PPFIA2: variants seen among roughly 807,000 people sequenced by gnomAD.
The protein encoded by PPFIA2 is PPFI scaffold protein A2.
Under a neutral mutation model 175.5 loss-of-function variants are expected in PPFIA2, and 46 were observed. That is an observed-to-expected ratio of 0.26 (90% CI 0.21 to 0.34). The LOEUF (loss-of-function observed/expected upper bound fraction) is 0.34. PPFIA2 is among the 10% of genes least tolerant of loss of function. PPFIA2 has a pLI of 1.00. For synonymous variants in PPFIA2, 568 were observed against 511.4 expected (o/e 1.11, Z -1.49); for missense variants, 1,179 against 1,506.1 (o/e 0.78, Z 3.60).
intron 7 of PPFIA2, among the ~76,000 whole-genome samples, chr12:81,437,441 G>T (rs2049284933): frequency 6.6e-6 from 1 of 152,168 alleles, no homozygotes. Context: ...GTGTTAGCCA[G>T]GATGGTCTCG....
chr12:81,702,144 T>A (rs1179405585), intron 3 of PPFIA2, among the ~76,000 whole-genome samples: 1 of 152,092 alleles, frequency 6.6e-6, no homozygotes, highest in Non-Finnish European at 1.5e-5. Flanking sequence ...GCATAAGTTC[T>A]CATTCTGAGA....
At chr12:81,658,956 T>G (rs967264877) in intron 4 of PPFIA2, among the ~76,000 whole-genome samples, 2 of 152,176 alleles carry the variant, frequency 1.3e-5, no homozygotes, top group African/African-American at 4.8e-5. Flanking sequence ...AACCAGGAAG[T>G]TGAATATATA....
chr12:81,267,259 A>C, intron 29 of PPFIA2: 2 of 578,118 alleles, frequency 3.5e-6, no homozygotes, highest in East Asian at 3.6e-5. Context: ...TGAGGTCAAG[A>C]GGCTTTGGCC....
chr12:81,662,225 C>A (rs2069027727), intron 4 of PPFIA2, among the ~76,000 whole-genome samples: 1 of 151,946 alleles, frequency 6.6e-6, no homozygotes, highest in Non-Finnish European at 1.5e-5. Context: ...GAGATAGAGA[C>A]ATAAAAAAAC....
chr12:81,360,009 C>T lies in PPFIA2; in HGVS notation c.1638-1792G>A, dbSNP rs372128616. The stretch of plus-strand genomic sequence containing the variant: ...CTTTCTTTTCATTTCTTTGAACATG[C>T]TTTTGTTTTTGTTTGTTTGTTTGTG... On this transcript the variant is annotated intron_variant, in intron 15 of 32. Transcript: ENST00000549396. Among the ~76,000 whole-genome samples, 213 of 151,872 alleles carry T rather than the reference C, an allele frequency of 1.4e-3. 1 individual carries two copies. Among genetic ancestry groups the T allele is most frequent in the African/African-American group, 4.8e-3 (199 of 41,494 alleles).
At chr12:81,726,774 T>C (rs1292440356) in intron 3 of PPFIA2, among the ~76,000 whole-genome samples, 2 of 151,332 alleles carry the variant, frequency 1.3e-5, no homozygotes, top group Non-Finnish European at 3.0e-5. Context: ...AGTATCTGCA[T>C]CTGGGGTAAG....
intron 7 of PPFIA2, among the ~76,000 whole-genome samples, chr12:81,425,505 C>T (rs904573269): frequency 9.2e-5 from 14 of 152,024 alleles, no homozygotes; most frequent in African/African-American, 2.7e-4. Context: ...CCACCATGCC[C>T]GGCTAAATTT....
Position 81,299,313 on chromosome 12 carries a change from G to A in PPFIA2, c.2712C>T (p.Val904=), listed in dbSNP as rs1235759891. ...TTCATTCTCTTACCTCTAGCCATGC[G>A]ACCACAGTTGGCCCATCCCACTGGG... is the stretch of plus-strand genomic sequence containing the variant. ...PFAQWDGPTV[V]AWLELWLGMP... The change falls in exon 23 of 33, where the codon GTC becomes GTT. Residue 904 remains valine, a synonymous_variant. Coordinates refer to ENST00000549396, the MANE Select transcript of PPFIA2 (RefSeq NM_003625.5). 5.6e-6 allele frequency: 9 copies of A among 1,594,436 alleles called. No homozygotes were observed. The highest frequency in any genetic ancestry group is 7.7e-6 in the Non-Finnish European group (9 of 1,169,712).
intron 7 of PPFIA2, among the ~76,000 whole-genome samples, chr12:81,416,863 C>A (rs1389462217): frequency 6.6e-6 from 1 of 151,616 alleles, no homozygotes; most frequent in Non-Finnish European, 1.5e-5. Context: ...AGAGTGAATG[C>A]AAACTAAATA....
intron 8 of PPFIA2, among the ~76,000 whole-genome samples, chr12:81,393,133 GATAA>G (rs1210109792): frequency 6.6e-6 from 1 of 151,922 alleles, no homozygotes; most frequent in African/African-American, 2.4e-5. Context: ...ATATTCCCAT[GATAA>G]ATGTTAATAA....
rs540015898 is a variant in PPFIA2 at position 81,426,959 on chromosome 12, T to C, written c.645+13013A>G. 2.8e-3 allele frequency among the ~76,000 whole-genome samples: 432 copies of C among 152,298 alleles called. 2 individuals carry two copies. The highest frequency in any genetic ancestry group is 9.7e-3 in the African/African-American group (405 of 41,570). ...AAAAACTGTAAATATCTGGATGCTT[T>C]AATTAATCTTTTATGTATAGTTAAA... is the stretch of plus-strand genomic sequence containing the variant. On this transcript the variant is annotated intron_variant, in intron 7 of 32. Transcript: ENST00000549396.
chr12:81,539,011 C>T (rs1468453282), intron 4 of PPFIA2, among the ~76,000 whole-genome samples: 1 of 151,882 alleles, frequency 6.6e-6, no homozygotes, highest in Non-Finnish European at 1.5e-5. Flanking sequence ...ACCAGGGTGG[C>T]AGCAATAGAG....
At chr12:81,508,917 G>A (rs943718467) in intron 4 of PPFIA2, among the ~76,000 whole-genome samples, 1 of 151,778 alleles carries the variant, frequency 6.6e-6, no homozygotes, top group African/African-American at 2.4e-5. Context: ...TGTTTATTGT[G>A]GCATTATTCA....
At chr12:81,360,449 T>C (rs2061436885) in intron 15 of PPFIA2, among the ~76,000 whole-genome samples, 1 of 151,824 alleles carries the variant, frequency 6.6e-6, no homozygotes, top group African/African-American at 2.4e-5. Context: ...ATCGCTCTGC[T>C]TCCTGGAGTG....
chr12:81,591,526 T>C (rs1595375896), intron 4 of PPFIA2, among the ~76,000 whole-genome samples: 1 of 151,908 alleles, frequency 6.6e-6, no homozygotes, highest in African/African-American at 2.4e-5. Flanking sequence ...GGCCCAGAGG[T>C]AGAGGAGGAA....
chr12:81,734,934 T>C (rs2081378057), intron 3 of PPFIA2, among the ~76,000 whole-genome samples: 1 of 151,836 alleles, frequency 6.6e-6, no homozygotes, highest in African/African-American at 2.4e-5. Flanking sequence ...TGTAATCTTT[T>C]ATGATGGGCT....
At chr12:81,332,227 A>T (rs1288326631) in intron 21 of PPFIA2, among the ~76,000 whole-genome samples, 1 of 151,940 alleles carries the variant, frequency 6.6e-6, no homozygotes, top group Non-Finnish European at 1.5e-5. Context: ...CTGCAGTTCC[A>T]ATCTGTCTGT....
At chr12:81,684,214 G>A (rs950670500) in intron 3 of PPFIA2, among the ~76,000 whole-genome samples, 2 of 152,060 alleles carry the variant, frequency 1.3e-5, no homozygotes, top group Non-Finnish European at 2.9e-5. Flanking sequence ...ATCTAAATCA[G>A]TCAAGGTTCC....
intron 21 of PPFIA2, among the ~76,000 whole-genome samples, chr12:81,329,458 GACAGGC>G (rs1426564373): frequency 2.1e-4 from 32 of 152,118 alleles, no homozygotes; most frequent in Non-Finnish European, 3.8e-4. Flanking sequence ...CCTAAGGTGT[GACAGGC>G]ACAGTCAAGG....
Sources: allele counts gnomAD v4.1 joint callset (sites outside exome capture counted in the v4.1 genomes callset), GRCh38; gene constraint gnomAD v4.1.1; transcripts MANE v1.5; gene names NCBI Gene and HGNC (gene_info 2026-07-23, HGNC 2026-07-21).